The following DENND2D variants were observed in gnomAD, a reference collection of about 807,000 sequenced individuals.
DENND2D encodes DENN domain-containing protein 2D.
DENND2D carries 37 observed loss-of-function variants against 59.8 expected under a neutral mutation model. The observed-to-expected ratio is 0.62, with a 90% CI of 0.48 to 0.81. The LOEUF (loss-of-function observed/expected upper bound fraction) is 0.81, where lower values mean the gene tolerates loss of function less well. DENND2D is among the 40% of genes least tolerant of loss of function. DENND2D has a pLI of 0.00. For missense variants in DENND2D, 525 were observed against 579.7 expected, an observed-to-expected ratio of 0.91 and a Z score of 0.97; for synonymous variants, 219 against 211.3, an observed-to-expected ratio of 1.04 and a Z score of -0.31.
chr1:111,200,724 T>G, upstream of DENND2D: 1 of 1,260,564 alleles, frequency 7.9e-7, no homozygotes, highest in Non-Finnish European at 1.0e-6. Context: ...TCTCAGCTCC[T>G]CCCAAGAGCC....
chr1:111,196,094 G>T, intron 5 of DENND2D, 38 bp from the exon 6 acceptor site: 1 of 1,573,306 alleles, frequency 6.4e-7, no homozygotes, highest in South Asian at 1.2e-5. Flanking sequence ...CGGCTCAAAG[G>T]GACACTACCA....
At chr1:111,191,287 A>G (rs867097148) in intron 8 of DENND2D, among the ~76,000 whole-genome samples, 1 of 152,020 alleles carries the variant, frequency 6.6e-6, no homozygotes, top group Non-Finnish European at 1.5e-5. Flanking sequence ...ATAGGAGAGG[A>G]TTTGGTTTTA....
chr1:111,189,018 C>G (rs1193235554), intron 9 of DENND2D, among the ~76,000 whole-genome samples, 194 bp downstream of exon 9: 3 of 152,118 alleles, frequency 2.0e-5, no homozygotes, highest in Admixed American at 6.5e-5. Flanking sequence ...TTAAAAGGCA[C>G]TATCACTGAT....
In DENND2D at chr1:111,192,326, G is replaced by T; in HGVS notation, c.795-9C>A. On this transcript the variant is annotated splice_polypyrimidine_tract_variant and intron_variant, in intron 7 of 11. Coordinates refer to ENST00000357640, the MANE Select transcript of DENND2D (RefSeq NM_024901.5). ...TGCACTGAGACAAGGTGCTGGGACA[G>T]AGCACAGAGGATGAGAGTCAGGGGG... 6.4e-7 allele frequency: 1 copy of T among 1,574,184 alleles called. No individual in the cohort carries two copies.
At chr1:111,201,712 G>A (rs1224844701), upstream of DENND2D, among the ~76,000 whole-genome samples, 2 of 152,212 alleles carry the variant, frequency 1.3e-5, no homozygotes, top group African/African-American at 2.4e-5. Flanking sequence ...CTCCTGCTAA[G>A]AATAAGCACC....
chr1:111,196,791 A>G (rs929999783), intron 5 of DENND2D: 12 of 213,890 alleles, frequency 5.6e-5, no homozygotes, highest in Non-Finnish European at 9.8e-5. Flanking sequence ...TCTGCCTTTT[A>G]TAAAGAGTCT....
In DENND2D at chr1:111,200,460, C is replaced by A. The variant is rs1658695375; in HGVS notation, c.-1G>T. Reference sequence around the variant, plus strand: ...CCCGGCCTACCACTTGTCCTTCCATCTCTGGGCCTTCAGGACAGAGCGGAC... The same window carrying A: ...CCCGGCCTACCACTTGTCCTTCCATATCTGGGCCTTCAGGACAGAGCGGAC... On this transcript the variant is annotated 5_prime_UTR_variant, in exon 1 of 12. Transcript: ENST00000357640. 3 of 1,609,730 alleles carry A rather than the reference C, an allele frequency of 1.9e-6. No homozygotes were observed. Among genetic ancestry groups the A allele is most frequent in the Admixed American group, 1.7e-5 (1 of 59,674 alleles).
At position 111,194,618 on chromosome 1, in the gene DENND2D, C is replaced by A. The variant is rs376517718; in HGVS notation, c.754G>T (p.Val252Leu). ...EQILQIFASA[V>L]LERKIIFLAE... ...AGGAAGATGATTTTTCTCTCCAGCA[C>A]GGCAGAGGCAAAGATCTGAAGTATC... is the stretch of plus-strand genomic sequence containing the variant. The change falls in exon 7 of 12, where the codon GTG becomes TTG. Residue 252 changes from valine (V) to leucine (L), a missense_variant. Val to Leu is a conservative substitution (Grantham distance 32). Around this residue, in one of 3 missense-constraint regions of DENND2D, gnomAD observed 47 missense variants for 80.9 expected, o/e 0.58. Coordinates refer to ENST00000357640, the MANE Select transcript of DENND2D (RefSeq NM_024901.5). The A allele has an allele frequency of 6.2e-7, 1 of 1,613,994 alleles. No homozygotes were observed.
At chr1:111,199,555 C>A (rs1260423203) in intron 2 of DENND2D, 68 bp downstream of exon 2, 2 of 1,520,914 alleles carry the variant, frequency 1.3e-6, no homozygotes, top group Admixed American at 1.9e-5. Context: ...GGAGGTGGAA[C>A]CCCCACCCCT....
intron 4 of DENND2D, chr1:111,197,701 C>T (rs755046382): frequency 8.4e-5 from 119 of 1,409,520 alleles, no homozygotes; most frequent in Non-Finnish European, 1.1e-4. Flanking sequence ...AGAGAGAGCA[C>T]AGACCAGAGC....
intron 2 of DENND2D, among the ~76,000 whole-genome samples, chr1:111,199,207 G>A (rs907394853): frequency 1.3e-5 from 2 of 152,084 alleles, no homozygotes; most frequent in African/African-American, 2.4e-5. Flanking sequence ...TCGGGCAGAG[G>A]GCTGTGCCTG....
rs34558744 is a variant in DENND2D at position 111,195,967 on chromosome 1, A to T, written c.594T>A (p.Ala198=). The T allele has an allele frequency of 2.4e-3, 3,938 of 1,613,974 alleles. 90 individuals are homozygous for T. The African/African-American group carries it at 0.045, about 19-fold the overall frequency. The part of the protein sequence containing the change: ...MQGLREAAFP[A]PGKTVTLKSF... Reference sequence around the variant, plus strand: ...TCTTGAGAGTGACAGTCTTCCCAGGAGCAGGGAAGGCTGCCTCTCGGAGGC... The same window carrying T: ...TCTTGAGAGTGACAGTCTTCCCAGGTGCAGGGAAGGCTGCCTCTCGGAGGC... Residue 198 remains alanine (A), a synonymous_variant, in exon 6 of 12, where the codon GCT becomes GCA. Transcript: ENST00000357640.
At chr1:111,197,151 A>G in intron 5 of DENND2D, 25 bp downstream of exon 5, 1 of 1,609,896 alleles carries the variant, frequency 6.2e-7, no homozygotes, top group Non-Finnish European at 8.5e-7. Context: ...GAATATGGGC[A>G]GGCCCTGAGG....
At chr1:111,191,421 G>C (rs1484424340) in intron 8 of DENND2D, among the ~76,000 whole-genome samples, 1 of 152,166 alleles carries the variant, frequency 6.6e-6, no homozygotes, top group Non-Finnish European at 1.5e-5. Context: ...TCTGGCTTGA[G>C]ATACAGTAAC....
intron 8 of DENND2D, among the ~76,000 whole-genome samples, chr1:111,190,033 G>A (rs560400963): frequency 9.2e-5 from 14 of 151,996 alleles, no homozygotes; most frequent in Middle Eastern, 3.4e-3. Context: ...GTGTGGTGGC[G>A]GGCGCCTGTA....
chr1:111,197,972 A>G lies in DENND2D; in HGVS notation c.374T>C (p.Val125Ala). ...TCTGCTCCCATCCACATTGGTCAGAACGAAGGAGAAGGTCTCCCTAAGAAA... is the reference window on the plus strand; with the variant it reads ...TCTGCTCCCATCCACATTGGTCAGAGCGAAGGAGAAGGTCTCCCTAAGAAA... ...TEYPRETFSF[V>A]LTNVDGSRKI... is the part of the protein sequence containing the mutation. The change falls in exon 4 of 12, where the codon GTT becomes GCT. Residue 125 changes from valine (V) to alanine (A), a missense_variant. Around this residue, in one of 3 missense-constraint regions of DENND2D, gnomAD observed 253 missense variants for 246.4 expected, o/e 1.03. Coordinates refer to ENST00000357640, the MANE Select transcript of DENND2D (RefSeq NM_024901.5). 1 of 1,614,132 alleles carries G rather than the reference A, an allele frequency of 6.2e-7. No individual in the cohort carries two copies.
chr1:111,190,436 T>A (rs1369168524), intron 8 of DENND2D, among the ~76,000 whole-genome samples: 1 of 152,222 alleles, frequency 6.6e-6, no homozygotes, highest in African/African-American at 2.4e-5. Flanking sequence ...CAGATCTGTT[T>A]CTTTGATCTT....
rs757961638 is a variant in DENND2D, at chr1:111,192,383, C to T, written c.795-66G>A. The T allele has an allele frequency of 1.5e-5, 22 of 1,431,106 alleles. No individual in the cohort carries two copies. The South Asian group carries it at 1.6e-4, about 10-fold the overall frequency. 88.7% of individuals were successfully genotyped at this position (1,431,106 alleles called of 1,614,324 possible). A position where few individuals can be genotyped will look rare whatever the true frequency, so the allele number is the denominator to read the frequency against. ...CACCACCATGCTACACACCCCTCAT[C>T]GCCCACCACCAACAGCAGCTAGAGC... is the stretch of plus-strand genomic sequence containing the variant. On this transcript the variant is annotated intron_variant, in intron 7 of 11. Transcript: ENST00000357640.
At chr1:111,201,553 G>C (rs1658802634), upstream of DENND2D, among the ~76,000 whole-genome samples, 1 of 152,196 alleles carries the variant, frequency 6.6e-6, no homozygotes, top group Admixed American at 6.5e-5. Context: ...GCTGTGTCTG[G>C]AGACTAGGTA....
Sources: gnomAD v4.1 joint callset for allele counts (sites outside exome capture counted in the v4.1 genomes callset) on GRCh38, gnomAD v4.1.1 for gene constraint, gnomAD v4.1.1 regional missense constraint, MANE v1.5 for transcripts, NCBI Gene and HGNC (gene_info 2026-07-23, HGNC 2026-07-21) for gene names.